CBR4: variants seen among roughly 807,000 people sequenced by gnomAD.
The protein encoded by CBR4 is 3-oxoacyl-[acyl-carrier-protein] reductase.
CBR4 carries 22 observed loss-of-function variants against 21.0 expected under a neutral mutation model. The ratio of observed to expected loss-of-function variants is 1.05; its 90% CI spans 0.75 to 1.50. The LOEUF (loss-of-function observed/expected upper bound fraction) is 1.50, where lower values mean the gene tolerates loss of function less well. CBR4 is among the 40% of genes most tolerant of loss of function. The pLI, the probability that CBR4 is intolerant of heterozygous loss-of-function variation, is 0.00. For synonymous variants in CBR4, 100 were observed against 104.4 expected (o/e 0.96, Z 0.26); for missense variants, 302 against 286.3 (o/e 1.05, Z -0.40).
intron 2 of CBR4, among the ~76,000 whole-genome samples, chr4:168,971,399 A>T (rs992562208): frequency 1.3e-5 from 2 of 149,664 alleles, no homozygotes; most frequent in Non-Finnish European, 3.0e-5. Context: ...CCTCCCGAGT[A>T]GCTGGGATCA....
intron 2 of CBR4, chr4:168,925,198 A>C (rs758978100): frequency 2.6e-6 from 4 of 1,553,576 alleles, no homozygotes; most frequent in South Asian, 1.1e-5. Context: ...TTGTCAAAAA[A>C]ATTCATATTG....
At chr4:169,002,956 G>A (rs986053807) in intron 3 of CBR4, among the ~76,000 whole-genome samples, 3 of 152,110 alleles carry the variant, frequency 2.0e-5, no homozygotes, top group African/African-American at 7.2e-5. Flanking sequence ...GTTTACTGCT[G>A]TTGGGGTGCC....
Position 168,988,384 on chromosome 4 carries a change from C to A in CBR4, c.*1766G>T. On this transcript the variant is annotated 3_prime_UTR_variant, in exon 5 of 5. Coordinates refer to ENST00000306193, the MANE Select transcript of CBR4 (RefSeq NM_032783.5). Reference sequence around the variant, plus strand: ...TACATCTTAATGTCAGCAAAACATACTGCTTTCTACCCAAATCACCAATTG... The same window carrying A: ...TACATCTTAATGTCAGCAAAACATAATGCTTTCTACCCAAATCACCAATTG... 1 of 985,418 alleles carries A rather than the reference C, an allele frequency of 1.0e-6. No individual in the cohort carries two copies. The highest frequency in any genetic ancestry group is 1.2e-6 in the Non-Finnish European group (1 of 829,906). The allele number at this position is 985,418 out of a possible 1,614,324, so 61.0% of individuals were successfully genotyped here. A position where few individuals can be genotyped will look rare whatever the true frequency, so the allele number is the denominator to read the frequency against.
At chr4:168,981,595 C>CA (rs996249459) in intron 2 of CBR4, among the ~76,000 whole-genome samples, 8 of 151,968 alleles carry the variant, frequency 5.3e-5, no homozygotes, top group Admixed American at 2.0e-4. Flanking sequence ...TTTAAATGAA[C>CA]AAAACCTCCA....
intron 2 of CBR4, among the ~76,000 whole-genome samples, chr4:168,945,223 C>G (rs1341327043): frequency 6.6e-6 from 1 of 152,114 alleles, no homozygotes; most frequent in Non-Finnish European, 1.5e-5. Context: ...AACAAACCTT[C>G]TAGATGACTC....
chr4:168,922,094 T>TACACACACAC, intron 2 of CBR4, among the ~76,000 whole-genome samples: 1 of 106,824 alleles, frequency 9.4e-6, no homozygotes, highest in African/African-American at 3.2e-5. Flanking sequence ...TTTATATATA[T>TACACACACAC]ATATATATAC....
chr4:168,901,819 C>T (rs1426388551), intron 2 of CBR4, among the ~76,000 whole-genome samples: 1 of 152,178 alleles, frequency 6.6e-6, no homozygotes, highest in Non-Finnish European at 1.5e-5. Flanking sequence ...GATCACACCA[C>T]TGCACTCTCT....
chr4:168,962,060 T>C (rs1349889077), intron 2 of CBR4, among the ~76,000 whole-genome samples: 2 of 151,714 alleles, frequency 1.3e-5, no homozygotes, highest in Non-Finnish European at 2.9e-5. Flanking sequence ...AGTTAAACGT[T>C]TTTAAAAAGA....
chr4:168,913,356 C>T (rs1759429376), intron 2 of CBR4, among the ~76,000 whole-genome samples: 2 of 152,030 alleles, frequency 1.3e-5, no homozygotes, highest in Admixed American at 6.6e-5. Flanking sequence ...CCAGGCTGGG[C>T]TCGAACTCCT....
chr4:168,903,172 T>C (rs551016894), intron 2 of CBR4, among the ~76,000 whole-genome samples: 1 of 152,300 alleles, frequency 6.6e-6, no homozygotes, highest in East Asian at 1.9e-4. Flanking sequence ...CATTTAACCT[T>C]TGATCATATG....
chr4:168,932,263 A>G (rs1243698756), intron 2 of CBR4, among the ~76,000 whole-genome samples: 1 of 151,938 alleles, frequency 6.6e-6, no homozygotes, highest in East Asian at 1.9e-4. Context: ...AACCCAACAG[A>G]AATCTTAGAG....
intron 2 of CBR4, chr4:168,926,270 G>T (rs1449112727): frequency 6.5e-7 from 1 of 1,537,002 alleles, no homozygotes; most frequent in Non-Finnish European, 8.7e-7. Context: ...CCCTCAGCCA[G>T]TCGCTATGCA....
At chr4:168,990,916 T>G (rs368726699) in intron 4 of CBR4, among the ~76,000 whole-genome samples, 2 of 150,586 alleles carry the variant, frequency 1.3e-5, no homozygotes, top group African/African-American at 2.4e-5. Context: ...TAGCTGGGGG[T>G]GGTGGTGGAC....
chr4:168,976,445 G>T (rs1764374084), intron 2 of CBR4, among the ~76,000 whole-genome samples: 1 of 152,214 alleles, frequency 6.6e-6, no homozygotes, highest in South Asian at 2.1e-4. Context: ...GTGCAGGTGG[G>T]CTGAGTCTGA....
intron 2 of CBR4, among the ~76,000 whole-genome samples, chr4:168,959,668 C>T (rs1560964200): frequency 6.7e-6 from 1 of 149,234 alleles, no homozygotes; most frequent in African/African-American, 2.5e-5. Context: ...AGGGTTCAAG[C>T]AATTCTCCTG....
chr4:168,922,102 T>TATAC (rs1459158507), intron 2 of CBR4, among the ~76,000 whole-genome samples: 175 of 132,620 alleles, frequency 1.3e-3, no homozygotes, highest in Middle Eastern at 3.9e-3. Flanking sequence ...TATATATATA[T>TATAC]ACACACACAC....
chr4:168,929,930 A>G (rs1720089999), intron 2 of CBR4, among the ~76,000 whole-genome samples: 1 of 152,174 alleles, frequency 6.6e-6, no homozygotes, highest in South Asian at 2.1e-4. Context: ...AATTCCACAG[A>G]TGGTTAAAAT....
At chr4:169,005,566 C>T (rs1167884707) in intron 3 of CBR4, among the ~76,000 whole-genome samples, 3 of 152,032 alleles carry the variant, frequency 2.0e-5, no homozygotes, top group South Asian at 2.1e-4. Context: ...TTTTTAAATA[C>T]ACCTAAAAAA....
intron 2 of CBR4, among the ~76,000 whole-genome samples, chr4:168,935,050 A>G (rs546026811): frequency 2.6e-5 from 4 of 152,296 alleles, no homozygotes. Context: ...AAGGCAGGTG[A>G]TTTCTTCATT....
Sources: gnomAD v4.1 joint callset for allele counts (sites outside exome capture counted in the v4.1 genomes callset) on GRCh38, gnomAD v4.1.1 for gene constraint, MANE v1.5 for transcripts, NCBI Gene and HGNC (gene_info 2026-07-23, HGNC 2026-07-21) for gene names.